SPEN: variants seen among roughly 807,000 people sequenced by gnomAD.
SPEN encodes msx2-interacting protein.
A neutral mutation model predicts 269.9 loss-of-function variants in SPEN; 18 were observed. The observed-to-expected ratio is 0.07, with a 90% confidence interval of 0.05 to 0.10. The LOEUF (loss-of-function observed/expected upper bound fraction) is 0.10, where lower values mean the gene tolerates loss of function less well. Among genes scored for constraint, SPEN ranks in the 10% least tolerant of loss-of-function variants. The pLI is 1.00. For missense variants in SPEN, 3,822 were observed against 4,631.2 expected, an observed-to-expected ratio of 0.83 and a Z score of 5.07; for synonymous variants, 1,726 against 1,765.7, an observed-to-expected ratio of 0.98 and a Z score of 0.56.
At chr1:15,857,402 G>A (rs983514713) in intron 1 of SPEN, among the ~76,000 whole-genome samples, 2 of 151,518 alleles carry the variant, frequency 1.3e-5, no homozygotes, top group Admixed American at 6.6e-5. Flanking sequence ...TGTTGCCCAG[G>A]CTGGAGTGCA....
At chr1:15,904,505 T>G (rs1056119891) in intron 3 of SPEN, among the ~76,000 whole-genome samples, 2 of 149,288 alleles carry the variant, frequency 1.3e-5, no homozygotes, top group African/African-American at 2.5e-5. Context: ...ACCATTTTTA[T>G]TGTTTCATAA....
At chr1:15,927,526 T>G (rs2071180003) in intron 10 of SPEN, among the ~76,000 whole-genome samples, 1 of 152,178 alleles carries the variant, frequency 6.6e-6, no homozygotes, top group Non-Finnish European at 1.5e-5. Flanking sequence ...GTTAAAATTT[T>G]TATCTGTTTT....
Position 15,931,918 on chromosome 1 carries a change from G to T in SPEN, c.5678G>T (p.Ser1893Ile). The change falls in exon 11 of 15, where the codon AGT (serine) becomes ATT (isoleucine). Residue 1893 changes from serine (S) to isoleucine (I), a missense_variant. Physicochemically the swap from Ser to Ile is moderately radical, Grantham distance 142 (BLOSUM62 -2). This residue lies in a region of SPEN where 533 missense variants were observed against 618.8 expected (regional missense o/e 0.86). Coordinates refer to ENST00000375759, the MANE Select transcript of SPEN (RefSeq NM_015001.3). This position sits in a 1 kb window ranked among gnomAD's most constrained non-coding sequence, Gnocchi z 4.8. ...GCAGACCTTGAACATCCCGAACCAA[G>T]TTTGCCTCTCAGCCGAACAAGGCGC... ...SAADLEHPEPSLPLSRTRRRN... is the reference protein window; with the variant it reads ...SAADLEHPEPILPLSRTRRRN... 2 of 1,614,224 alleles carry T rather than the reference G, an allele frequency of 1.2e-6. No individual in the cohort carries two copies. The highest frequency in any genetic ancestry group is 1.1e-5 in the South Asian group (1 of 91,084).
At position 15,935,669 on chromosome 1, in the gene SPEN, C is replaced by A. The variant is rs1406717752; in HGVS notation, c.9429C>A (p.Ala3143=). The part of the protein sequence containing the change: ...APQRASTPQP[A]PAGVPALASQ... ...AGCGTGCCAGCACCCCGCAGCCAGC[C>A]CCAGCTGGTGTGCCTGCACTGGCCT... Residue 3143 remains alanine, a synonymous_variant, in exon 11 of 15, where the codon GCC becomes GCA. Coordinates refer to ENST00000375759, the MANE Select transcript of SPEN (RefSeq NM_015001.3). This position sits in a 1 kb window ranked among gnomAD's most constrained non-coding sequence, Gnocchi z 7.7. 11 of 1,613,966 alleles carry A rather than the reference C, an allele frequency of 6.8e-6. No individual in the cohort carries two copies. The highest frequency in any genetic ancestry group is 7.6e-6 in the Non-Finnish European group (9 of 1,179,986).
Position 15,930,145 on chromosome 1 carries a change from T to G in SPEN, c.3905T>G (p.Val1302Gly), listed in dbSNP as rs761315940. The change falls in exon 11 of 15, where the codon GTC becomes GGC. Residue 1302 changes from valine to glycine, a missense_variant. Coordinates refer to ENST00000375759, the MANE Select transcript of SPEN (RefSeq NM_015001.3). The surrounding 1 kb of genome is among the most constrained non-coding windows in gnomAD (Gnocchi z 5.3). ...GTCCTCCCCTATTCTAACATAACAG[T>G]CAGGGAAGAGTCTTTAAAATTTAAT... ...EKVLPYSNITVREESLKFNPY... is the reference protein window; with the variant it reads ...EKVLPYSNITGREESLKFNPY... The G allele has an allele frequency of 6.2e-7, 1 of 1,614,126 alleles. No individual in the cohort carries two copies. Among genetic ancestry groups the G allele is most frequent in the Admixed American group, 1.7e-5 (1 of 60,016 alleles).
Position 15,896,083 on chromosome 1 carries a change from A to G in SPEN, c.882-13238A>G, listed in dbSNP as rs978247562. Among the ~76,000 whole-genome samples, 29 of 152,014 alleles carry G rather than the reference A, an allele frequency of 1.9e-4. 1 individual carries two copies. Among genetic ancestry groups the G allele is most frequent in the Middle Eastern group, 3.4e-3 (1 of 294 alleles). On this transcript the variant is annotated intron_variant, in intron 3 of 14. Coordinates refer to ENST00000375759, the MANE Select transcript of SPEN (RefSeq NM_015001.3). ...AAAATAAGGCACTTTTATAAAATGC[A>G]GTATTTTAATGATTTTTTTCCTCTC...
intron 3 of SPEN, among the ~76,000 whole-genome samples, chr1:15,905,312 C>T (rs1261543761): frequency 6.6e-6 from 1 of 151,832 alleles, no homozygotes; most frequent in East Asian, 1.9e-4. Flanking sequence ...ACCTCCGCCT[C>T]CCGGGTTCAA....
chr1:15,939,498 A>C lies in SPEN; in HGVS notation c.*71A>C. 1 of 1,456,058 alleles carries C rather than the reference A, an allele frequency of 6.9e-7. No individual in the cohort carries two copies. The highest frequency in any genetic ancestry group is 2.7e-5 in the East Asian group (1 of 37,474). The allele number at this position is 1,456,058 out of a possible 1,614,324, so 90.2% of individuals were successfully genotyped here. ...AGTAAAAACAAAGGACAACCCAGCC[A>C]AGCAGAGGAAGAAGCTGCCGAAGGG... On this transcript the variant is annotated 3_prime_UTR_variant, in exon 15 of 15. Coordinates refer to ENST00000375759, the MANE Select transcript of SPEN (RefSeq NM_015001.3). The surrounding 1 kb of genome is among the most constrained non-coding windows in gnomAD (Gnocchi z 4.1).
At chr1:15,911,449 T>C in intron 5 of SPEN, 148 bp downstream of exon 5, 1 of 696,996 alleles carries the variant, frequency 1.4e-6, no homozygotes, top group Non-Finnish European at 2.4e-6. Context: ...TTTTAAAAGA[T>C]GGTTCTATTT....
intron 3 of SPEN, among the ~76,000 whole-genome samples, chr1:15,892,399 T>C (rs188239737): frequency 4.7e-4 from 72 of 152,346 alleles, no homozygotes; most frequent in Admixed American, 2.4e-3. Context: ...GACAGTGCTC[T>C]TCTAGAAGCA....
intron 6 of SPEN, among the ~76,000 whole-genome samples, chr1:15,916,560 G>A (rs188211114): frequency 6.2e-5 from 9 of 144,604 alleles, no homozygotes; most frequent in African/African-American, 7.8e-5. Context: ...TCCGAGCCTG[G>A]AGTGCAGTGT....
At chr1:15,870,121 C>T (rs2070558322) in intron 1 of SPEN, among the ~76,000 whole-genome samples, 1 of 152,040 alleles carries the variant, frequency 6.6e-6, no homozygotes, top group South Asian at 2.1e-4. Flanking sequence ...CCACCTGCCT[C>T]GGCCTCCCAA....
Position 15,934,968 on chromosome 1 carries a change from G to A in SPEN, c.8728G>A (p.Glu2910Lys), listed in dbSNP as rs1165208954. The stretch of plus-strand genomic sequence containing the variant: ...TGTGAAGGCCGATAGGCCATCCTTG[G>A]AGAAGCCCGAGCCCATTCACCTCTC... Reference protein sequence around the residue: ...SSVKADRPSLEKPEPIHLSVS... With the variant: ...SSVKADRPSLKKPEPIHLSVS... Residue 2910 changes from glutamate (E) to lysine (K), a missense_variant, in exon 11 of 15, where the codon GAG becomes AAG. Glu to Lys is a moderately conservative substitution (Grantham distance 56, BLOSUM62 1). This residue lies in a region of SPEN where 329 missense variants were observed against 431.2 expected (regional missense o/e 0.76). Transcript: ENST00000375759. This position sits in a 1 kb window ranked among gnomAD's most constrained non-coding sequence, Gnocchi z 9.2. 1 of 1,613,956 alleles carries A rather than the reference G, an allele frequency of 6.2e-7. No individual in the cohort carries two copies. Among genetic ancestry groups the A allele is most frequent in the South Asian group, 1.1e-5 (1 of 91,068 alleles).
At chr1:15,876,819 A>G (rs2070635695) in intron 3 of SPEN, 141 bp downstream of exon 3, 10 of 716,864 alleles carry the variant, frequency 1.4e-5, no homozygotes, top group Non-Finnish European at 2.4e-5. Flanking sequence ...AGAAACTGGC[A>G]TGTGGCCATT....
chr1:15,855,014 C>T (rs893627152), intron 1 of SPEN, among the ~76,000 whole-genome samples: 1 of 152,082 alleles, frequency 6.6e-6, no homozygotes, highest in Non-Finnish European at 1.5e-5. Flanking sequence ...GATTTAATTA[C>T]TTATGATTTC....
At chr1:15,919,542 G>A in intron 8 of SPEN, 25 bp downstream of exon 8, 3 of 1,462,454 alleles carry the variant, frequency 2.1e-6, no homozygotes, top group Non-Finnish European at 2.8e-6. Context: ...TTGGTATGTG[G>A]TTCAGACTTC....
At position 15,930,396 on chromosome 1, in the gene SPEN, G is replaced by A. The variant is rs369228133; in HGVS notation, c.4156G>A (p.Gly1386Ser). The change falls in exon 11 of 15, where the codon GGT (glycine) becomes AGT (serine). Residue 1386 changes from glycine to serine, a missense_variant. Physicochemically the swap from Gly to Ser is moderately conservative, Grantham distance 56. Transcript: ENST00000375759. This position sits in a 1 kb window ranked among gnomAD's most constrained non-coding sequence, Gnocchi z 5.3. ...GEVPSDSDED[G>S]EHKSHSPRAS... Reference sequence around the variant, plus strand: ...GGTGCCTTCTGATTCTGACGAAGATGGTGAACACAAATCCCACTCACCCAG... The same window carrying A: ...GGTGCCTTCTGATTCTGACGAAGATAGTGAACACAAATCCCACTCACCCAG... 141 of 1,613,714 alleles carry A rather than the reference G, an allele frequency of 8.7e-5. 1 individual carries two copies. Among genetic ancestry groups the A allele is most frequent in the Non-Finnish European group, 1.1e-4 (133 of 1,179,862 alleles).
intron 3 of SPEN, among the ~76,000 whole-genome samples, chr1:15,883,771 A>G (rs538604714): frequency 7.4e-6 from 1 of 135,042 alleles, no homozygotes; most frequent in Admixed American, 7.5e-5. Context: ...CTATAACCCT[A>G]TTACTTTTTT....
intron 8 of SPEN, 69 bp downstream of exon 8, chr1:15,919,586 T>C: frequency 1.1e-6 from 1 of 950,582 alleles, no homozygotes; most frequent in Non-Finnish European, 1.6e-6. Flanking sequence ...CTCCTTTCAG[T>C]CTCAGTTGGC....
Sources: allele counts gnomAD v4.1 joint callset (sites outside exome capture counted in the v4.1 genomes callset), GRCh38; gene constraint gnomAD v4.1.1; regional missense constraint gnomAD v4.1.1; non-coding constraint Gnocchi (gnomAD v3.1); transcripts MANE v1.5; gene names NCBI Gene and HGNC (gene_info 2026-07-23, HGNC 2026-07-21).